Variants in CTNNA3 observed in about 807,000 individuals in gnomAD.
CTNNA3 encodes catenin alpha 3.
Under a neutral mutation model 95.7 loss-of-function variants are expected in CTNNA3, and 76 were observed. That is an observed-to-expected ratio of 0.79 (90% CI 0.66 to 0.96). The LOEUF (loss-of-function observed/expected upper bound fraction) is 0.96. CTNNA3 is among the 40% of genes least tolerant of loss of function. CTNNA3 has a pLI of 0.00. For synonymous variants in CTNNA3, 431 were observed against 374.4 expected, an observed-to-expected ratio of 1.15 and a Z score of -1.74; for missense variants, 1,191 against 1,089.8, an observed-to-expected ratio of 1.09 and a Z score of -1.31.
intron 17 of CTNNA3, among the ~76,000 whole-genome samples, chr10:65,921,681 C>CACTGCCA (rs1329490698): frequency 6.6e-6 from 1 of 152,336 alleles, no homozygotes; most frequent in East Asian, 1.9e-4. Flanking sequence ...GCAGTGTGAA[C>CACTGCCA]TGCCATGCCA....
At chr10:67,499,104 G>A (rs757157293) in intron 5 of CTNNA3, among the ~76,000 whole-genome samples, 4 of 152,146 alleles carry the variant, frequency 2.6e-5, no homozygotes, top group African/African-American at 4.8e-5. Context: ...TTTGAGATAC[G>A]TTCCATCAAT....
intron 7 of CTNNA3, among the ~76,000 whole-genome samples, chr10:67,168,913 T>A (rs1419202531): frequency 2.0e-5 from 3 of 152,168 alleles, no homozygotes; most frequent in African/African-American, 7.2e-5. Flanking sequence ...AAAAGCTCCT[T>A]CAGCTAATAA....
intron 7 of CTNNA3, among the ~76,000 whole-genome samples, chr10:67,104,282 G>A (rs1858502651): frequency 6.6e-6 from 1 of 151,638 alleles, no homozygotes; most frequent in Non-Finnish European, 1.5e-5. Flanking sequence ...AATATTTCCT[G>A]TGAGTGATTT....
At chr10:67,580,132 G>C (rs1589449229) in intron 3 of CTNNA3, among the ~76,000 whole-genome samples, 1 of 152,250 alleles carries the variant, frequency 6.6e-6, no homozygotes, top group East Asian at 1.9e-4. Context: ...CCTTGCCTGT[G>C]CCTATGTCCT....
At chr10:67,073,440 A>T (rs543572190) in intron 7 of CTNNA3, among the ~76,000 whole-genome samples, 1 of 152,258 alleles carries the variant, frequency 6.6e-6, no homozygotes, top group Non-Finnish European at 1.5e-5. Context: ...CCAAATTCTA[A>T]ACTTCTATTT....
chr10:67,491,011 G>A (rs867727611), intron 5 of CTNNA3, among the ~76,000 whole-genome samples: 5 of 151,766 alleles, frequency 3.3e-5, no homozygotes. Context: ...GAATTGCTGA[G>A]GCTTAAGCAA....
At chr10:67,743,958 C>A (rs1841358891) in intron 1 of CTNNA3, among the ~76,000 whole-genome samples, 1 of 151,138 alleles carries the variant, frequency 6.6e-6, no homozygotes, top group African/African-American at 2.4e-5. Flanking sequence ...ATGTGAAAGA[C>A]CTCCTCAAGG....
At chr10:66,934,671 A>C (rs149588260) in intron 7 of CTNNA3, among the ~76,000 whole-genome samples, 135 of 152,204 alleles carry the variant, frequency 8.9e-4, no homozygotes, top group African/African-American at 3.2e-3. Context: ...ATAGGACTTT[A>C]TGTATAGGGG....
intron 5 of CTNNA3, among the ~76,000 whole-genome samples, chr10:67,452,782 C>A (rs549066947): frequency 6.6e-6 from 1 of 152,280 alleles, no homozygotes; most frequent in African/African-American, 2.4e-5. Flanking sequence ...CAAGTGAGGA[C>A]TGAGTTTGAA....
intron 13 of CTNNA3, among the ~76,000 whole-genome samples, chr10:66,219,529 T>C (rs1365999164): frequency 6.6e-6 from 1 of 152,162 alleles, no homozygotes; most frequent in Non-Finnish European, 1.5e-5. Context: ...AAGAAAGACA[T>C]GATGTAAGTA....
intron 4 of CTNNA3, among the ~76,000 whole-genome samples, chr10:67,537,279 G>A (rs1840515070): frequency 6.6e-6 from 1 of 152,112 alleles, no homozygotes; most frequent in Non-Finnish European, 1.5e-5. Flanking sequence ...GAGTAGTTAA[G>A]TTCCAAAAGT....
chr10:67,579,038 C>A (rs1244609998), intron 3 of CTNNA3, among the ~76,000 whole-genome samples: 2 of 141,134 alleles, frequency 1.4e-5, no homozygotes, highest in Non-Finnish European at 3.1e-5. Context: ...TATATACACA[C>A]ACACACATAT....
At chr10:67,235,141 T>C (rs992322404) in intron 5 of CTNNA3, among the ~76,000 whole-genome samples, 1 of 152,086 alleles carries the variant, frequency 6.6e-6, no homozygotes, top group African/African-American at 2.4e-5. Flanking sequence ...AATGACTTTC[T>C]TCACAGAATT....
intron 2 of CTNNA3, among the ~76,000 whole-genome samples, chr10:67,628,578 G>T (rs1337909883): frequency 1.3e-5 from 2 of 152,014 alleles, no homozygotes; most frequent in African/African-American, 2.4e-5. Flanking sequence ...AACAGGTTTA[G>T]TTTATATATT....
At chr10:66,311,147 A>G (rs2132259669) in intron 12 of CTNNA3, among the ~76,000 whole-genome samples, 1 of 152,360 alleles carries the variant, frequency 6.6e-6, no homozygotes, top group East Asian at 1.9e-4. Context: ...TATATATCCA[A>G]AGAATATATG....
At chr10:66,752,991 C>G (rs560836172) in intron 9 of CTNNA3, among the ~76,000 whole-genome samples, 14 of 152,208 alleles carry the variant, frequency 9.2e-5, no homozygotes, top group African/African-American at 2.9e-4. Flanking sequence ...ATAGAAATAC[C>G]TGTTCACTGT....
intron 7 of CTNNA3, among the ~76,000 whole-genome samples, chr10:67,113,220 A>G (rs1858998711): frequency 6.6e-6 from 1 of 152,244 alleles, no homozygotes; most frequent in South Asian, 2.1e-4. Flanking sequence ...AACCAGAGAT[A>G]CTATTCTTTA....
At chr10:66,490,794 G>A (rs1252630160) in intron 11 of CTNNA3, among the ~76,000 whole-genome samples, 1 of 152,102 alleles carries the variant, frequency 6.6e-6, no homozygotes, top group East Asian at 1.9e-4. Context: ...CTATGCATGA[G>A]GAAGCAAGTT....
At chr10:66,639,909 TA>T (rs1035098813) in intron 9 of CTNNA3, among the ~76,000 whole-genome samples, 1 of 151,850 alleles carries the variant, frequency 6.6e-6, no homozygotes, top group Non-Finnish European at 1.5e-5. Flanking sequence ...TAGGTAAGTT[TA>T]AAAAAAAGAC....
Sources: gnomAD v4.1 joint callset for allele counts (sites outside exome capture counted in the v4.1 genomes callset) on GRCh38, gnomAD v4.1.1 for gene constraint, MANE v1.5 for transcripts, NCBI Gene and HGNC (gene_info 2026-07-23, HGNC 2026-07-21) for gene names.